Variants in ZGRF1 observed in about 807,000 individuals in gnomAD.
The protein encoded by ZGRF1 is 5'-3' DNA helicase ZGRF1.
Under a neutral mutation model 203.5 loss-of-function variants are expected in ZGRF1, and 196 were observed. The ratio of observed to expected loss-of-function variants is 0.96; its 90% CI spans 0.86 to 1.08. The LOEUF (loss-of-function observed/expected upper bound fraction) is 1.08, where lower values mean the gene tolerates loss of function less well. Ranked by LOEUF, ZGRF1 falls within the 50% of genes least tolerant of loss-of-function variation. The pLI is 0.00. For synonymous variants in ZGRF1, 809 were observed against 841.3 expected, an observed-to-expected ratio of 0.96 and a Z score of 0.66; for missense variants, 2,326 against 2,416.3, an observed-to-expected ratio of 0.96 and a Z score of 0.78.
intron 3 of ZGRF1, chr4:112,624,118 G>A (rs188009676): frequency 3.0e-5 from 9 of 299,306 alleles, no homozygotes; most frequent in Admixed American, 2.6e-4. Flanking sequence ...TCCACGCTGT[G>A]GAAGCTTTGT....
At chr4:112,582,558 A>T (rs1179581805) in intron 15 of ZGRF1, among the ~76,000 whole-genome samples, 1 of 151,904 alleles carries the variant, frequency 6.6e-6, no homozygotes, top group Non-Finnish European at 1.5e-5. Flanking sequence ...GGCTCAAGCC[A>T]TCCTCCCGTC....
In ZGRF1 at chr4:112,551,706, A is replaced by AT. The variant is rs755190649; in HGVS notation, c.5346+2128dup. Among the ~76,000 whole-genome samples, 9 of 152,286 alleles carry AT rather than the reference A, an allele frequency of 5.9e-5. No homozygotes were observed. In the East Asian group the frequency reaches 1.2e-3, roughly 20 times the overall value. On this transcript the variant is annotated intron_variant, in intron 22 of 27. Transcript: ENST00000505019. ...TTGGTGCCACTCTGAAATATTATTC[A>AT]TTTTATTTAATTTCTGGCAACTATA...
chr4:112,594,129 CA>C (rs1748609628), intron 10 of ZGRF1, among the ~76,000 whole-genome samples: 1 of 152,106 alleles, frequency 6.6e-6, no homozygotes, highest in African/African-American at 2.4e-5. Flanking sequence ...GCAATTATCT[CA>C]ATTTATTTGT....
At chr4:112,605,213 T>A (rs2351759) in intron 9 of ZGRF1, among the ~76,000 whole-genome samples, 1 of 151,938 alleles carries the variant, frequency 6.6e-6, no homozygotes, top group Admixed American at 6.6e-5. Flanking sequence ...CAGGCTGGAG[T>A]GCAGTGGCAC....
At position 112,587,756 on chromosome 4, in the gene ZGRF1, T is replaced by A. The variant is rs535873894; in HGVS notation, c.3301A>T (p.Asn1101Tyr). The change falls in exon 12 of 28, where the codon AAT (asparagine) becomes TAT (tyrosine). Residue 1101 changes from asparagine to tyrosine, a missense_variant. By Grantham distance (143) the Asn-to-Tyr change is moderately radical. Transcript: ENST00000505019. ...TYESSGSPML[N>Y]LCEKSAVLSF... ...AGAACTGCTGACTTTTCACACAAAT[T>A]GAGCATGGGGGAGCCAGAAGACTCG... The A allele has an allele frequency of 6.4e-7, 1 of 1,557,704 alleles. No homozygotes were observed. The highest frequency in any genetic ancestry group is 1.4e-5 in the African/African-American group (1 of 73,346).
intron 18 of ZGRF1, among the ~76,000 whole-genome samples, chr4:112,561,787 T>TA (rs1447228410): frequency 5.9e-5 from 9 of 151,674 alleles, no homozygotes; most frequent in African/African-American, 2.2e-4. Context: ...ATACAGATAA[T>TA]AAAAAATAAA....
Position 112,585,077 on chromosome 4 carries a change from G to T in ZGRF1, c.4101+464C>A, listed in dbSNP as rs184929686. On this transcript the variant is annotated intron_variant, in intron 14 of 27. Transcript: ENST00000505019. ...TCTCAGTGATCTCACTGTAACTTGAGCATATTCCTCCTATTTTATCAATTA... is the reference window on the plus strand; with the variant it reads ...TCTCAGTGATCTCACTGTAACTTGATCATATTCCTCCTATTTTATCAATTA... Among the ~76,000 whole-genome samples, 16 of 152,218 alleles carry T rather than the reference G, an allele frequency of 1.1e-4. No individual in the cohort carries two copies. In the East Asian group the frequency reaches 3.1e-3, roughly 29 times the overall value.
intron 23 of ZGRF1, 130 bp from the exon 24 acceptor site, chr4:112,547,538 C>T: frequency 1.3e-6 from 1 of 768,456 alleles, no homozygotes; most frequent in Non-Finnish European, 2.0e-6. Context: ...ACTAATAAAG[C>T]TTAGTAGTGC....
rs184717250 is a variant in ZGRF1 at position 112,547,453 on chromosome 4, G to C, written c.5475-45C>G. The C allele has an allele frequency of 1.8e-5, 28 of 1,561,506 alleles. No individual in the cohort carries two copies. In the Admixed American group the frequency reaches 3.6e-4, roughly 20 times the overall value. On this transcript the variant is annotated intron_variant, in intron 23 of 27. Transcript: ENST00000505019. ...ATTAATCTAAGCAATTAAAATGGGTGCATTAACATCATTTATTGCACTGTT... is the reference window on the plus strand; with the variant it reads ...ATTAATCTAAGCAATTAAAATGGGTCCATTAACATCATTTATTGCACTGTT...
intron 14 of ZGRF1, among the ~76,000 whole-genome samples, chr4:112,585,102 AC>A (rs1746942652): frequency 6.6e-6 from 1 of 152,076 alleles, no homozygotes; most frequent in South Asian, 2.1e-4. Context: ...TTTATCAATT[AC>A]AGAAGTATGT....
chr4:112,613,412 G>C (rs2046759999), intron 6 of ZGRF1, among the ~76,000 whole-genome samples: 1 of 152,080 alleles, frequency 6.6e-6, no homozygotes, highest in South Asian at 2.1e-4. Context: ...TATTTTCCAA[G>C]TGCAGTGTGC....
At position 112,609,269 on chromosome 4, in the gene ZGRF1, G is replaced by A. The variant is rs369901289; in HGVS notation, c.2718+110C>T. On this transcript the variant is annotated intron_variant, in intron 8 of 27. Transcript: ENST00000505019. ...GGGGTTTTACCATGTTAGCCAGGAT[G>A]GTCTCTATCTCCTGACCTTGTGATC... is the stretch of plus-strand genomic sequence containing the variant. The A allele has an allele frequency of 6.0e-5, 21 of 349,922 alleles. No homozygotes were observed. In the East Asian group the frequency reaches 8.2e-4, roughly 14 times the overall value. The allele number at this position is 349,922 out of a possible 1,614,324, so 21.7% of individuals were successfully genotyped here.
chr4:112,609,119 T>C (rs1751204620), intron 8 of ZGRF1, among the ~76,000 whole-genome samples: 1 of 151,946 alleles, frequency 6.6e-6, no homozygotes, highest in African/African-American at 2.4e-5. Context: ...AGTGGCGTTA[T>C]CTCGGCTCAC....
chr4:112,628,736 T>C, intron 3 of ZGRF1: 1 of 452,662 alleles, frequency 2.2e-6, no homozygotes, highest in Non-Finnish European at 4.4e-6. Context: ...GAAGATAAAG[T>C]TGGATAATAG....
intron 4 of ZGRF1, among the ~76,000 whole-genome samples, chr4:112,622,523 A>G (rs78129400): frequency 1.3e-5 from 2 of 149,620 alleles, no homozygotes; most frequent in Non-Finnish European, 3.0e-5. Flanking sequence ...CCATCTCGAA[A>G]AAAAAAAAAA....
chr4:112,564,881 T>A lies in ZGRF1; in HGVS notation c.4439-1607A>T, dbSNP rs1742712726. On this transcript the variant is annotated intron_variant, in intron 16 of 27. Transcript: ENST00000505019. ...TATAAATTCTTTTTACTGAATTGTG[T>A]TCGCAGCCGCCACCGCGCCGCCGTC... is the stretch of plus-strand genomic sequence containing the variant. 3 of 631,458 alleles carry A rather than the reference T, an allele frequency of 4.8e-6. No individual in the cohort carries two copies. The East Asian group carries it at 8.2e-5, about 17-fold the overall frequency. 39.1% of individuals were successfully genotyped at this position (631,458 alleles called of 1,614,324 possible). A position where few individuals can be genotyped will look rare whatever the true frequency, so the allele number is the denominator to read the frequency against.
intron 10 of ZGRF1, among the ~76,000 whole-genome samples, chr4:112,593,383 C>T (rs531594892): frequency 2.2e-4 from 34 of 152,304 alleles, no homozygotes; most frequent in Non-Finnish European, 3.4e-4. Context: ...CTGGTTTCTC[C>T]GCTTCTACCA....
At chr4:112,566,525 T>A (rs899503607) in intron 16 of ZGRF1, among the ~76,000 whole-genome samples, 1 of 150,356 alleles carries the variant, frequency 6.7e-6, no homozygotes, top group Non-Finnish European at 1.5e-5. Context: ...AAATAAAAAA[T>A]AAATTTTTTA....
In ZGRF1 at chr4:112,619,273, C is replaced by G; in HGVS notation, c.769G>C (p.Ala257Pro). ...QNIRSKAQIL[A>P]LLKSESSSSC... is the part of the protein sequence containing the mutation. Reference sequence around the variant, plus strand: ...CTAGATGATTCGGACTTCAGAAGAGCTAATATCTGTGCTTTGCTTCTGATG... The same window carrying G: ...CTAGATGATTCGGACTTCAGAAGAGGTAATATCTGTGCTTTGCTTCTGATG... The change falls in exon 6 of 28, where the codon GCT (alanine) becomes CCT (proline). Residue 257 changes from alanine (A) to proline (P), a missense_variant. Coordinates refer to ENST00000505019, the MANE Select transcript of ZGRF1 (RefSeq NM_018392.5). 6.2e-7 allele frequency: 1 copy of G among 1,613,310 alleles called. No homozygotes were observed. The highest frequency in any genetic ancestry group is 1.1e-5 in the South Asian group (1 of 91,052).
Sources: gnomAD v4.1 joint callset for allele counts (sites outside exome capture counted in the v4.1 genomes callset) on GRCh38, gnomAD v4.1.1 for gene constraint, MANE v1.5 for transcripts, NCBI Gene and HGNC (gene_info 2026-07-23, HGNC 2026-07-21) for gene names.